The following ACTR5 variants were observed in gnomAD, a reference collection of about 807,000 sequenced individuals.
The protein encoded by ACTR5 is actin related protein 5, also known as actin-related protein 5.
Under a neutral mutation model 61.2 loss-of-function variants are expected in ACTR5, and 43 were observed. The observed-to-expected ratio is 0.70, with a 90% confidence interval of 0.55 to 0.91. The LOEUF is 0.91. Among genes scored for constraint, ACTR5 ranks in the 40% least tolerant of loss-of-function variants. ACTR5 has a pLI of 0.00. For missense variants in ACTR5, 798 were observed against 782.2 expected (o/e 1.02, Z -0.24); for synonymous variants, 333 against 310.5 (o/e 1.07, Z -0.76).
At chr20:38,751,501 CAG>C (rs776501502) in intron 2 of ACTR5, among the ~76,000 whole-genome samples, 2 of 152,166 alleles carry the variant, frequency 1.3e-5, no homozygotes, top group African/African-American at 2.4e-5. Flanking sequence ...GGGAAATTAT[CAG>C]AGTGAATCAT....
intron 5 of ACTR5, among the ~76,000 whole-genome samples, chr20:38,756,688 T>C (rs562934235): frequency 6.6e-6 from 1 of 152,348 alleles, no homozygotes; most frequent in East Asian, 1.9e-4. Context: ...GCAGATTATC[T>C]GAGGTCAGGA....
chr20:38,763,965 C>T (rs1240946976), intron 5 of ACTR5, among the ~76,000 whole-genome samples: 1 of 152,138 alleles, frequency 6.6e-6, no homozygotes, highest in Non-Finnish European at 1.5e-5. Flanking sequence ...TGGAAAATCC[C>T]CCTCAAATAC....
At chr20:38,765,633 C>G (rs1360707313) in intron 6 of ACTR5, 115 bp downstream of exon 6, 3 of 825,258 alleles carry the variant, frequency 3.6e-6, no homozygotes, top group Non-Finnish European at 5.9e-6. Flanking sequence ...AAATTGGGTA[C>G]CAATACTTAA....
chr20:38,771,724 C>A lies in ACTR5; in HGVS notation c.1732C>A (p.Arg578Ser). Reference protein sequence around the residue: ...HCASNIYVPIRLPKQASRSSD... With the variant: ...HCASNIYVPISLPKQASRSSD... ...TGCTTCCAACATCTATGTCCCCATCCGCCTGCCGAAGCAGGCCTCCCGCTC... is the reference window on the plus strand; with the variant it reads ...TGCTTCCAACATCTATGTCCCCATCAGCCTGCCGAAGCAGGCCTCCCGCTC... The change falls in exon 9 of 9, where the codon CGC (arginine) becomes AGC (serine). Residue 578 changes from arginine (R) to serine (S), a missense_variant. Physicochemically the swap from Arg to Ser is moderately radical, Grantham distance 110. Coordinates refer to ENST00000243903, the MANE Select transcript of ACTR5 (RefSeq NM_024855.4). 4 of 1,614,178 alleles carry A rather than the reference C, an allele frequency of 2.5e-6. No individual in the cohort carries two copies. The highest frequency in any genetic ancestry group is 3.4e-6 in the Non-Finnish European group (4 of 1,180,036).
chr20:38,765,292 A>G (rs1019785931), intron 5 of ACTR5, 110 bp from the exon 6 acceptor site: 5 of 753,590 alleles, frequency 6.6e-6, no homozygotes, highest in Non-Finnish European at 1.1e-5. Context: ...GTTTTTATGT[A>G]AGGTTTTAGA....
rs948039153 is a variant in ACTR5 at position 38,750,068 on chromosome 20, G to A, written c.434G>A (p.Arg145Gln). ...TEAVCNPLYS[R>Q]QMMSELLFEC... ...GCTGTGTGCAACCCACTGTATTCAC[G>A]GCAAATGATGTCTGAGCTTCTTTTT... is the stretch of plus-strand genomic sequence containing the variant. Residue 145 changes from arginine to glutamine, a missense_variant, in exon 2 of 9, where the codon CGG (arginine) becomes CAG (glutamine). By Grantham distance (43) the Arg-to-Gln change is conservative. Transcript: ENST00000243903. 4 of 1,614,138 alleles carry A rather than the reference G, an allele frequency of 2.5e-6. No homozygotes were observed. Among genetic ancestry groups the A allele is most frequent in the Non-Finnish European group, 3.4e-6 (4 of 1,180,028 alleles).
At chr20:38,752,885 C>G (rs1490144647) in intron 3 of ACTR5, among the ~76,000 whole-genome samples, 1 of 151,978 alleles carries the variant, frequency 6.6e-6, no homozygotes, top group Non-Finnish European at 1.5e-5. Context: ...TCTCAGCTGA[C>G]CAATAATGAG....
chr20:38,771,424 A>T, intron 8 of ACTR5, 135 bp from the exon 9 acceptor site: 1 of 1,169,694 alleles, frequency 8.5e-7, no homozygotes. Context: ...GCTAGCCCCG[A>T]ACTGTCTTGG....
intron 4 of ACTR5, among the ~76,000 whole-genome samples, chr20:38,755,583 T>A (rs2084415054): frequency 6.6e-6 from 1 of 150,520 alleles, no homozygotes; most frequent in South Asian, 2.1e-4. Flanking sequence ...CCACCTTCCT[T>A]CACATCCCCC....
rs1309498109 is a variant in ACTR5 at position 38,755,937 on chromosome 20, G to T, written c.1074G>T (p.Gln358His). 6.2e-7 allele frequency: 1 copy of T among 1,614,194 alleles called. No homozygotes were observed. The highest frequency in any genetic ancestry group is 2.2e-5 in the East Asian group (1 of 44,888). ...ELNMDSPEEL[Q>H]SYIQKLSIAV... ...ATATGGACTCCCCAGAAGAGCTGCA[G>T]TCCTACATCCAGAAGCTCAGTATAG... Residue 358 changes from glutamine (Q) to histidine (H), a missense_variant, in exon 5 of 9, where the codon CAG becomes CAT. Coordinates refer to ENST00000243903, the MANE Select transcript of ACTR5 (RefSeq NM_024855.4).
Position 38,771,739 on chromosome 20 carries a change from G to T in ACTR5, c.1747G>T (p.Ala583Ser). Reference protein sequence around the residue: ...IYVPIRLPKQASRSSDAQASS... With the variant: ...IYVPIRLPKQSSRSSDAQASS... ...TGTCCCCATCCGCCTGCCGAAGCAGGCCTCCCGCTCCTCAGATGCCCAGGC... is the reference window on the plus strand; with the variant it reads ...TGTCCCCATCCGCCTGCCGAAGCAGTCCTCCCGCTCCTCAGATGCCCAGGC... Residue 583 changes from alanine to serine, a missense_variant, in exon 9 of 9, where the codon GCC becomes TCC. By Grantham distance (99) the Ala-to-Ser change is moderately conservative (BLOSUM62 1). Transcript: ENST00000243903. 9 of 1,614,134 alleles carry T rather than the reference G, an allele frequency of 5.6e-6. No homozygotes were observed. The highest frequency in any genetic ancestry group is 7.6e-6 in the Non-Finnish European group (9 of 1,180,018).
intron 5 of ACTR5, among the ~76,000 whole-genome samples, chr20:38,758,481 T>C (rs2084433567): frequency 6.6e-6 from 1 of 152,080 alleles, no homozygotes; most frequent in Admixed American, 6.5e-5. Context: ...ACCCTGTCTC[T>C]ACTGAAAATA....
chr20:38,748,707 G>T lies in ACTR5; in HGVS notation c.229G>T (p.Gly77Cys). 6.5e-6 allele frequency: 10 copies of T among 1,533,318 alleles called. No individual in the cohort carries two copies. Among genetic ancestry groups the T allele is most frequent in the Non-Finnish European group, 8.8e-6 (10 of 1,141,646 alleles). 95.0% of individuals were successfully genotyped at this position (1,533,318 alleles called of 1,614,324 possible). Residue 77 changes from glycine (G) to cysteine (C), a missense_variant, in exon 1 of 9, where the codon GGC becomes TGC. Transcript: ENST00000243903. ...RGRGGARGAS[G>C]PQVGNALGSL... is the part of the protein sequence containing the mutation. ...TCGTGGCGGGGCACGGGGCGCGTCG[G>T]GCCCGCAGGTGGGGAACGCTCTGGG...
chr20:38,771,635 A>G lies in ACTR5; in HGVS notation c.1643A>G (p.Asn548Ser), dbSNP rs755644442. ...RDWALNHLDDNEVWITRKEYE... is the reference protein window; with the variant it reads ...RDWALNHLDDSEVWITRKEYE... ...TGGGCCTTGAACCACCTAGATGATA[A>G]TGAAGTTTGGATCACCAGGAAAGAG... The change falls in exon 9 of 9, where the codon AAT becomes AGT. Residue 548 changes from asparagine (N) to serine (S), a missense_variant. By Grantham distance (46) the Asn-to-Ser change is conservative. Coordinates refer to ENST00000243903, the MANE Select transcript of ACTR5 (RefSeq NM_024855.4). The G allele has an allele frequency of 6.8e-6, 11 of 1,614,040 alleles. No homozygotes were observed. The highest frequency in any genetic ancestry group is 8.5e-6 in the Non-Finnish European group (10 of 1,180,042).
chr20:38,750,280 C>T lies in ACTR5; in HGVS notation c.605+41C>T, dbSNP rs749200042. 6 of 1,547,538 alleles carry T rather than the reference C, an allele frequency of 3.9e-6. No individual in the cohort carries two copies. The Admixed American group carries it at 5.1e-5, about 13-fold the overall frequency. ...GGCATTTGAGTGCGATTTTGAGAAG[C>T]ATTCAGGAAACATTTATTTACTGCG... On this transcript the variant is annotated intron_variant, in intron 2 of 8. Coordinates refer to ENST00000243903, the MANE Select transcript of ACTR5 (RefSeq NM_024855.4).
At chr20:38,768,420 CAG>C (rs1216456872) in intron 8 of ACTR5, among the ~76,000 whole-genome samples, 2 of 152,176 alleles carry the variant, frequency 1.3e-5, no homozygotes, top group African/African-American at 4.8e-5. Context: ...AGCAACTCAG[CAG>C]AGAGACAAGG....
chr20:38,756,108 AG>A, intron 5 of ACTR5, 69 bp downstream of exon 5: 1 of 1,480,426 alleles, frequency 6.8e-7, no homozygotes, highest in Non-Finnish European at 9.0e-7. Flanking sequence ...CTGACATCAA[AG>A]GGGTTGTGCC....
chr20:38,752,606 AC>A (rs2084393856), intron 3 of ACTR5, among the ~76,000 whole-genome samples: 1 of 152,246 alleles, frequency 6.6e-6, no homozygotes, highest in Non-Finnish European at 1.5e-5. Flanking sequence ...AAGCTAGAAA[AC>A]AATTGAAATT....
chr20:38,764,429 C>T (rs530367028), intron 5 of ACTR5, among the ~76,000 whole-genome samples: 2 of 152,328 alleles, frequency 1.3e-5, no homozygotes, highest in South Asian at 4.1e-4. Flanking sequence ...TCTTTCAGAA[C>T]CACCACCATC....
Sources: allele counts gnomAD v4.1 joint callset (sites outside exome capture counted in the v4.1 genomes callset), GRCh38; gene constraint gnomAD v4.1.1; transcripts MANE v1.5; gene names NCBI Gene and HGNC (gene_info 2026-07-23, HGNC 2026-07-21).